ZNF423: variants seen among roughly 807,000 people sequenced by gnomAD.
ZNF423 encodes Ebf-associated zinc finger protein.
In ZNF423, 12 loss-of-function variants were observed where a neutral mutation model predicts 95.8. The ratio of observed to expected loss-of-function variants is 0.13; its 90% confidence interval spans 0.08 to 0.20. The LOEUF is 0.20. Ranked by LOEUF, ZNF423 falls within the 10% of genes least tolerant of loss-of-function variation. The probability of loss-of-function intolerance (pLI) is 1.00; values close to 1 mark genes in which losing one functional copy is unlikely to be tolerated. For missense variants in ZNF423, 1,316 were observed against 1,737.1 expected, an observed-to-expected ratio of 0.76 and a Z score of 4.31; for synonymous variants, 749 against 711.9, an observed-to-expected ratio of 1.05 and a Z score of -0.83.
At chr16:49,685,721 T>C (rs2031538600) in intron 3 of ZNF423, among the ~76,000 whole-genome samples, 2 of 152,262 alleles carry the variant, frequency 1.3e-5, no homozygotes, top group Admixed American at 1.3e-4. Flanking sequence ...ATCCTCTCCA[T>C]GTCCCCACCT....
chr16:49,765,302 G>A lies in ZNF423; in HGVS notation c.100+24185C>T, dbSNP rs117171898. Among the ~76,000 whole-genome samples the A allele has an allele frequency of 7.2e-5, 11 of 152,282 alleles. No homozygotes were observed. In the East Asian group the frequency reaches 1.3e-3, roughly 19 times the overall value. ...CATTTTGGGAAGATGAAAACTTTCC[G>A]AAGGTGGATGGTGGTGGTAGCTGCA... On this transcript the variant is annotated intron_variant, in intron 2 of 7. Coordinates refer to ENST00000563137, the MANE Select transcript of ZNF423 (RefSeq NM_001379286.1).
chr16:49,727,371 T>A (rs2033050008), intron 3 of ZNF423, among the ~76,000 whole-genome samples: 1 of 152,068 alleles, frequency 6.6e-6, no homozygotes, highest in East Asian at 1.9e-4. Flanking sequence ...CATTCTGGCA[T>A]GAAGCTCCCC....
At chr16:49,593,407 T>A (rs547938761) in intron 5 of ZNF423, among the ~76,000 whole-genome samples, 2 of 151,676 alleles carry the variant, frequency 1.3e-5, no homozygotes, top group African/African-American at 2.4e-5. Flanking sequence ...TGCACTCCAG[T>A]CTGGGTGACA....
intron 1 of ZNF423, among the ~76,000 whole-genome samples, chr16:49,820,116 G>C (rs1437908133): frequency 6.6e-6 from 1 of 152,108 alleles, no homozygotes; most frequent in African/African-American, 2.4e-5. Context: ...ACAGATGGAT[G>C]GACAGACGGA....
At chr16:49,627,661 C>T (rs757156858) in intron 4 of ZNF423, among the ~76,000 whole-genome samples, 1 of 149,896 alleles carries the variant, frequency 6.7e-6, no homozygotes, top group African/African-American at 2.5e-5. Flanking sequence ...TACATCTACA[C>T]ACACACATAC....
chr16:49,699,665 T>A (rs1468542082), intron 3 of ZNF423, among the ~76,000 whole-genome samples: 1 of 152,236 alleles, frequency 6.6e-6, no homozygotes, highest in African/African-American at 2.4e-5. Context: ...GGAAAAGGAA[T>A]TTCTATTGTC....
intron 5 of ZNF423, among the ~76,000 whole-genome samples, chr16:49,567,248 C>T (rs1165927523): frequency 6.6e-6 from 1 of 152,178 alleles, no homozygotes; most frequent in Non-Finnish European, 1.5e-5. Flanking sequence ...AGCTAGCTCA[C>T]CCAGCTTTAG....
At chr16:49,805,992 G>A (rs187127643) in intron 1 of ZNF423, among the ~76,000 whole-genome samples, 18 of 152,324 alleles carry the variant, frequency 1.2e-4, no homozygotes, top group African/African-American at 3.1e-4. Flanking sequence ...CCGGCCTCCC[G>A]GGCTGCCCTC....
intron 5 of ZNF423, among the ~76,000 whole-genome samples, chr16:49,534,122 A>AG (rs1197331859): frequency 6.6e-6 from 1 of 152,182 alleles, no homozygotes; most frequent in Non-Finnish European, 1.5e-5. Context: ...TGGGTGATGG[A>AG]GGGAGACTCT....
intron 1 of ZNF423, among the ~76,000 whole-genome samples, chr16:49,840,628 C>CTGGCACATA (rs1349519369): frequency 1.3e-5 from 2 of 152,246 alleles, no homozygotes; most frequent in African/African-American, 4.8e-5. Context: ...GCCCTGGAAG[C>CTGGCACATA]TGGCACATAT....
chr16:49,759,140 C>T (rs773246297), intron 2 of ZNF423, among the ~76,000 whole-genome samples: 1 of 152,144 alleles, frequency 6.6e-6, no homozygotes, highest in Middle Eastern at 3.4e-3. Flanking sequence ...TGGCTCACGC[C>T]TGTAATCCCA....
At chr16:49,720,288 G>A (rs1180271709) in intron 3 of ZNF423, among the ~76,000 whole-genome samples, 1 of 152,234 alleles carries the variant, frequency 6.6e-6, no homozygotes, top group Non-Finnish European at 1.5e-5. Flanking sequence ...CTCAAAGACA[G>A]TGAGCTCGAT....
intron 3 of ZNF423, among the ~76,000 whole-genome samples, chr16:49,662,408 G>A (rs1028377680): frequency 1.1e-4 from 16 of 152,174 alleles, no homozygotes; most frequent in African/African-American, 3.4e-4. Flanking sequence ...CATCCTCCAA[G>A]AGGAAGGACA....
At chr16:49,547,795 A>T (rs1969495227) in intron 5 of ZNF423, among the ~76,000 whole-genome samples, 1 of 152,200 alleles carries the variant, frequency 6.6e-6, no homozygotes. Flanking sequence ...ATGCAACCAC[A>T]CGCCTGGCAT....
chr16:49,852,707 G>GT (rs575286300), intron 1 of ZNF423, among the ~76,000 whole-genome samples: 2,643 of 151,158 alleles, frequency 0.017, 33 homozygotes, highest in Middle Eastern at 0.055. Flanking sequence ...CTTTAGGGTT[G>GT]TTTTTTTTTA....
At chr16:49,714,040 A>G (rs1394790156) in intron 3 of ZNF423, among the ~76,000 whole-genome samples, 2 of 152,194 alleles carry the variant, frequency 1.3e-5, no homozygotes, top group Non-Finnish European at 2.9e-5. Flanking sequence ...TGAACCCACC[A>G]GGCACAGTTG....
intron 1 of ZNF423, among the ~76,000 whole-genome samples, chr16:49,790,519 T>C (rs2034395272): frequency 6.6e-6 from 1 of 152,346 alleles, no homozygotes; most frequent in East Asian, 1.9e-4. Flanking sequence ...CCAAGGTTGC[T>C]TTGAAAACCA....
At chr16:49,495,291 C>A (rs777672104) in intron 7 of ZNF423, among the ~76,000 whole-genome samples, 4 of 152,180 alleles carry the variant, frequency 2.6e-5, no homozygotes, top group Non-Finnish European at 4.4e-5. Context: ...GGGGCCTCTG[C>A]CTGGCACACG....
chr16:49,576,227 GACACTGGGA>G (rs1268306952), intron 5 of ZNF423, among the ~76,000 whole-genome samples: 1 of 152,188 alleles, frequency 6.6e-6, no homozygotes, highest in African/African-American at 2.4e-5. Context: ...TACCAAGATA[GACACTGGGA>G]ACACTGGGAA....
Sources: allele counts gnomAD v4.1 joint callset (sites outside exome capture counted in the v4.1 genomes callset), GRCh38; gene constraint gnomAD v4.1.1; transcripts MANE v1.5; gene names NCBI Gene and HGNC (gene_info 2026-07-23, HGNC 2026-07-21).